The following NR2F1-AS1 variants were observed in gnomAD, a reference collection of about 807,000 sequenced individuals.
NR2F1-AS1 encodes NR2F1 regulatory antisense RNA 1, also known as NR2F1 antisense RNA 1.
chr5:93,454,559 T>A (rs1344611695), intron 4 of NR2F1-AS1, among the ~76,000 whole-genome samples: 1 of 152,180 alleles, frequency 6.6e-6, no homozygotes, highest in African/African-American at 2.4e-5. Flanking sequence ...TGTAATTTCC[T>A]AAGTGATAGT....
chr5:93,437,377 G>T (rs1223547469), intron 4 of NR2F1-AS1, among the ~76,000 whole-genome samples: 3 of 152,134 alleles, frequency 2.0e-5, no homozygotes, highest in African/African-American at 7.2e-5. Flanking sequence ...TTGGGTTAAA[G>T]TATATTATAA....
chr5:93,550,701 G>A (rs752073346), intron 4 of NR2F1-AS1, among the ~76,000 whole-genome samples: 2 of 152,150 alleles, frequency 1.3e-5, no homozygotes, highest in Admixed American at 6.5e-5. Flanking sequence ...ACATTGTGTT[G>A]TTAAAATGTT....
At chr5:93,432,004 T>C (rs897944638) in intron 4 of NR2F1-AS1, among the ~76,000 whole-genome samples, 9 of 152,184 alleles carry the variant, frequency 5.9e-5, no homozygotes, top group Non-Finnish European at 1.0e-4. Context: ...ATCAAGTACA[T>C]TCTACCAAAA....
At chr5:93,521,223 A>T (rs1169285751) in intron 4 of NR2F1-AS1, among the ~76,000 whole-genome samples, 1 of 152,236 alleles carries the variant, frequency 6.6e-6, no homozygotes, top group Non-Finnish European at 1.5e-5. Flanking sequence ...TCAACCCAAG[A>T]TGGATTAAAG....
chr5:93,468,433 CT>C (rs1304577104), intron 4 of NR2F1-AS1, among the ~76,000 whole-genome samples: 5 of 152,206 alleles, frequency 3.3e-5, no homozygotes, highest in African/African-American at 1.2e-4. Context: ...TGTCTGTTGG[CT>C]GCATAAATGT....
At chr5:93,584,700 T>TG (rs1321430698), upstream of NR2F1-AS1, 255 of 61,754 alleles carry the variant, frequency 4.1e-3, 6 homozygotes, top group East Asian at 0.071. Context: ...GCAGGGGTGT[T>TG]GGGGGGGGAG....
intron 4 of NR2F1-AS1, among the ~76,000 whole-genome samples, chr5:93,412,815 A>G (rs982998610): frequency 1.3e-5 from 2 of 152,088 alleles, no homozygotes; most frequent in African/African-American, 4.8e-5. Flanking sequence ...CTCACCTGTT[A>G]TCTACAATTC....
intron 1 of NR2F1-AS1, among the ~76,000 whole-genome samples, chr5:93,574,371 A>G (rs977708931): frequency 6.6e-6 from 1 of 152,206 alleles, no homozygotes; most frequent in African/African-American, 2.4e-5. Context: ...AGTTCATGCT[A>G]CCAAAACCTT....
intron 4 of NR2F1-AS1, among the ~76,000 whole-genome samples, chr5:93,500,318 A>G (rs1215265413): frequency 6.6e-6 from 1 of 152,210 alleles, no homozygotes; most frequent in African/African-American, 2.4e-5. Flanking sequence ...CTCATTTGCT[A>G]TTCCAAAACA....
rs554004607 is a variant in NR2F1-AS1, at chr5:93,481,789, T to A, written n.638+71972A>T. ...ACTTTTCAAGTTCACAGAAATTAAA[T>A]AACATATTCTTTAAAAAAAATAGGT... On this transcript the variant is annotated intron_variant and non_coding_transcript_variant, in intron 4 of 5. Transcript: ENST00000660523. Among the ~76,000 whole-genome samples, 9 of 152,090 alleles carry A rather than the reference T, an allele frequency of 5.9e-5. No homozygotes were observed. In the South Asian group the frequency reaches 1.9e-3, roughly 32 times the overall value.
At chr5:93,580,510 G>A (rs1290896444) in exon 1 of NR2F1-AS1, 2 of 152,318 alleles carry the variant, frequency 1.3e-5, no homozygotes, top group African/African-American at 4.8e-5. Context: ...TGGTGCCCAC[G>A]ACGCACGGTC....
At chr5:93,445,548 ATAAT>A (rs1300918599) in intron 4 of NR2F1-AS1, among the ~76,000 whole-genome samples, 1 of 152,140 alleles carries the variant, frequency 6.6e-6, no homozygotes, top group Non-Finnish European at 1.5e-5. Context: ...AATTGAGGCA[ATAAT>A]TAATAGCCTA....
intron 4 of NR2F1-AS1, among the ~76,000 whole-genome samples, chr5:93,492,097 C>G (rs1370588130): frequency 1.3e-5 from 2 of 152,250 alleles, no homozygotes; most frequent in South Asian, 4.2e-4. Context: ...TAACTAAAAT[C>G]TGACAAGAAA....
intron 4 of NR2F1-AS1, among the ~76,000 whole-genome samples, chr5:93,497,872 A>T (rs1253527609): frequency 6.6e-6 from 1 of 152,220 alleles, no homozygotes; most frequent in Non-Finnish European, 1.5e-5. Context: ...GCATGAATTC[A>T]TCATCGGAAT....
chr5:93,585,237 C>A, upstream of NR2F1-AS1: 2 of 1,557,384 alleles, frequency 1.3e-6, no homozygotes, highest in Non-Finnish European at 1.7e-6. Flanking sequence ...GGACAAGGGC[C>A]AGGGCCCGCC....
At chr5:93,553,187 T>C (rs1752273831) in intron 4 of NR2F1-AS1, among the ~76,000 whole-genome samples, 1 of 150,172 alleles carries the variant, frequency 6.7e-6, no homozygotes, top group African/African-American at 2.5e-5. Context: ...CGGAGTGCAG[T>C]GGCGTGATCT....
At position 93,451,153 on chromosome 5, in the gene NR2F1-AS1, AG is replaced by A. The variant is rs1439048703; in HGVS notation, n.639-55612del. On this transcript the variant is annotated intron_variant and non_coding_transcript_variant, in intron 4 of 5. Coordinates refer to ENST00000660523, the Ensembl canonical transcript of NR2F1-AS1. ...AACATTTTCAGGAAAGTGATACCCC[AG>A]GTATTTTTAAAGTACTCCTAGTTAA... is the stretch of plus-strand genomic sequence containing the variant. Among the ~76,000 whole-genome samples the A allele has an allele frequency of 2.6e-5, 4 of 152,156 alleles. No homozygotes were observed. In the South Asian group the frequency reaches 6.2e-4, roughly 24 times the overall value.
intron 4 of NR2F1-AS1, among the ~76,000 whole-genome samples, chr5:93,519,563 C>T (rs970492463): frequency 5.9e-5 from 9 of 151,960 alleles, no homozygotes; most frequent in African/African-American, 2.2e-4. Flanking sequence ...TATACATAAC[C>T]CCCATCAAAG....
chr5:93,481,002 A>G (rs1204250319), intron 4 of NR2F1-AS1, among the ~76,000 whole-genome samples: 1 of 152,126 alleles, frequency 6.6e-6, no homozygotes, highest in Non-Finnish European at 1.5e-5. Context: ...CAAAATGGCA[A>G]AAATAAGTTC....
Sources: gnomAD v4.1 joint callset for allele counts (sites outside exome capture counted in the v4.1 genomes callset) on GRCh38, gnomAD v4.1.1 for gene constraint, MANE v1.5 for transcripts, NCBI Gene and HGNC (gene_info 2026-07-23, HGNC 2026-07-21) for gene names.